The following ABHD8 variants were observed in gnomAD, a reference collection of about 807,000 sequenced individuals.
ABHD8 encodes abhydrolase domain containing 8.
ABHD8 carries 10 observed loss-of-function variants against 29.3 expected under a neutral mutation model. The ratio of observed to expected loss-of-function variants is 0.34; its 90% CI spans 0.21 to 0.58. ABHD8 has a LOEUF of 0.58. Among genes scored for constraint, ABHD8 ranks in the 20% least tolerant of loss-of-function variants. ABHD8 has a pLI of 0.85. For missense variants in ABHD8, 556 were observed against 615.3 expected (o/e 0.90, Z 1.02); for synonymous variants, 282 against 274.6 (o/e 1.03, Z -0.27).
At chr19:17,294,918 G>C in intron 2 of ABHD8, 73 bp from the exon 3 acceptor site, 1 of 1,527,696 alleles carries the variant, frequency 6.5e-7, no homozygotes, top group Non-Finnish European at 8.9e-7. Context: ...TGACCATTTT[G>C]TTTTGCTTTG....
chr19:17,293,462 G>C (rs548219064), intron 4 of ABHD8, among the ~76,000 whole-genome samples: 1 of 45,220 alleles, frequency 2.2e-5, no homozygotes, highest in East Asian at 4.1e-4. Flanking sequence ...TTGCTGGGGG[G>C]GCGGGGGTGG....
rs2074113527 is a variant in ABHD8, at chr19:17,300,740, A to G, written c.761+116T>C. 3 of 1,326,116 alleles carry G rather than the reference A, an allele frequency of 2.3e-6. No homozygotes were observed. The South Asian group carries it at 4.4e-5, about 19-fold the overall frequency. 82.1% of individuals were successfully genotyped at this position (1,326,116 alleles called of 1,614,324 possible). On this transcript the variant is annotated intron_variant, in intron 2 of 4. Coordinates refer to ENST00000247706, the MANE Select transcript of ABHD8 (RefSeq NM_024527.5). Reference sequence around the variant, plus strand: ...TGATCCGCCTGCCTCGGCCTCCCAAAGTGCTGGGATTACAGGCGTGAGCCA... The same window carrying G: ...TGATCCGCCTGCCTCGGCCTCCCAAGGTGCTGGGATTACAGGCGTGAGCCA...
Position 17,292,236 on chromosome 19 carries a change from A to C in ABHD8, c.*425T>G. On this transcript the variant is annotated 3_prime_UTR_variant, in exon 5 of 5. Transcript: ENST00000247706. ...TGGGCAAAAATAGCTCCCAGCGCCG[A>C]GGAATGGGGGGTAGGAAGGGTCTCG... 20 of 196,884 alleles carry C rather than the reference A, an allele frequency of 1.0e-4. No individual in the cohort carries two copies. The highest frequency in any genetic ancestry group is 1.4e-4 in the Non-Finnish European group (14 of 97,932). The allele number at this position is 196,884 out of a possible 1,614,324, so 12.2% of individuals were successfully genotyped here.
At chr19:17,293,460 GGGGCGGGGGT>G (rs71180384) in intron 4 of ABHD8, among the ~76,000 whole-genome samples, 63,571 of 139,500 alleles carry the variant, frequency 0.46, 15,166 homozygotes, top group Non-Finnish European at 0.51. Flanking sequence ...CTTTGCTGGG[GGGGCGGGGGT>G]GGGCGGGGAA....
rs1406826069 is a variant in ABHD8 at position 17,294,713 on chromosome 19, C to T, written c.894G>A (p.Leu298=). Residue 298 remains leucine (L), a synonymous_variant, in exon 3 of 5, where the codon CTG becomes CTA. Transcript: ENST00000247706. ...CSIFNMPTCV[L]HCLSPCLAWS... is the part of the protein sequence containing the mutation. ...AGGCCAGGCAGGGCGACAAGCAGTG[C>T]AGGACGCAGGTGGGCATGTTGAAGA... 6.2e-7 allele frequency: 1 copy of T among 1,614,024 alleles called. No homozygotes were observed. The highest frequency in any genetic ancestry group is 1.3e-5 in the African/African-American group (1 of 74,920).
In ABHD8 at chr19:17,301,319, G is replaced by C. The variant is rs751547039; in HGVS notation, c.298C>G (p.Arg100Gly). 1 of 1,607,502 alleles carries C rather than the reference G, an allele frequency of 6.2e-7. No individual in the cohort carries two copies. The highest frequency in any genetic ancestry group is 1.1e-5 in the South Asian group (1 of 91,078). The change falls in exon 2 of 5, where the codon CGA becomes GGA. Residue 100 changes from arginine to glycine, a missense_variant. Around this residue, in one of 2 missense-constraint regions of ABHD8, gnomAD observed 286 missense variants for 261.4 expected, o/e 1.09. Coordinates refer to ENST00000247706, the MANE Select transcript of ABHD8 (RefSeq NM_024527.5). ...LLVENLGRAPRADLLHGQNGS... is the reference protein window; with the variant it reads ...LLVENLGRAPGADLLHGQNGS... The stretch of plus-strand genomic sequence containing the variant: ...TTCTGCCCGTGTAGGAGGTCGGCTC[G>C]AGGGGCTCGGCCCAGGTTTTCCACC...
intron 4 of ABHD8, among the ~76,000 whole-genome samples, chr19:17,294,058 A>G (rs2074082383): frequency 6.6e-6 from 1 of 152,098 alleles, no homozygotes; most frequent in African/African-American, 2.4e-5. Context: ...ACACCTGTCC[A>G]GGGCAGCCCT....
rs1243652005 is a variant in ABHD8, at chr19:17,292,622, C to A, written c.*39G>T. 1.3e-6 allele frequency: 2 copies of A among 1,570,318 alleles called. No homozygotes were observed. Among genetic ancestry groups the A allele is most frequent in the African/African-American group, 1.3e-5 (1 of 74,100 alleles). ...CGCAGGCTCGGGCCTCCTCCTGCTG[C>A]GGCTGTGCTCACCAAGCGATGCCCC... On this transcript the variant is annotated 3_prime_UTR_variant, in exon 5 of 5. Transcript: ENST00000247706.
chr19:17,295,855 G>A (rs1287355390), intron 2 of ABHD8, among the ~76,000 whole-genome samples: 1 of 152,176 alleles, frequency 6.6e-6, no homozygotes, highest in Non-Finnish European at 1.5e-5. Context: ...CTACAGGCAT[G>A]TGCCACCATG....
rs764227358 is a variant in ABHD8, at chr19:17,292,593, C to T, written c.*68G>A. 7.4e-6 allele frequency: 11 copies of T among 1,493,200 alleles called. No individual in the cohort carries two copies. The highest frequency in any genetic ancestry group is 2.2e-5 in the Admixed American group (1 of 45,854). 92.5% of individuals were successfully genotyped at this position (1,493,200 alleles called of 1,614,324 possible). A position where few individuals can be genotyped will look rare whatever the true frequency, so the allele number is the denominator to read the frequency against. On this transcript the variant is annotated 3_prime_UTR_variant, in exon 5 of 5. Transcript: ENST00000247706. ...CGCCCAGGTGGTCTGCGCTGCAGAC[C>T]TGGCGCAGGCTCGGGCCTCCTCCTG...
At chr19:17,300,222 G>A (rs946688940) in intron 2 of ABHD8, among the ~76,000 whole-genome samples, 12 of 151,122 alleles carry the variant, frequency 7.9e-5, no homozygotes, top group Admixed American at 7.3e-4. Flanking sequence ...CTTTTTTAAA[G>A]AGCGACAGGT....
chr19:17,296,726 G>A (rs888695175), intron 2 of ABHD8: 2 of 140,404 alleles, frequency 1.4e-5, no homozygotes, highest in African/African-American at 5.4e-5. Context: ...ATGGAGTCCT[G>A]CTCTGTTGCC....
intron 2 of ABHD8, among the ~76,000 whole-genome samples, chr19:17,299,959 G>A (rs35061212): frequency 0.25 from 37,852 of 149,680 alleles, 5,082 homozygotes; most frequent in South Asian, 0.38. Context: ...GAGTGCAGTG[G>A]CACAATATGA....
At chr19:17,299,681 G>A (rs1160463753) in intron 2 of ABHD8, among the ~76,000 whole-genome samples, 1 of 151,756 alleles carries the variant, frequency 6.6e-6, no homozygotes, top group Non-Finnish European at 1.5e-5. Context: ...AACATCTTGG[G>A]CAACATAGTG....
chr19:17,300,984 G>A lies in ABHD8; in HGVS notation c.633C>T (p.Ala211=), dbSNP rs771791316. ...LGYEVVAPDL[A]GHGASSAPQV... ...GGGGCGCAGAGCTGGCCCCGTGGCCGGCCAGGTCAGGAGCCACCACCTCAT... is the reference window on the plus strand; with the variant it reads ...GGGGCGCAGAGCTGGCCCCGTGGCCAGCCAGGTCAGGAGCCACCACCTCAT... Residue 211 remains alanine, a synonymous_variant, in exon 2 of 5, where the codon GCC becomes GCT. Coordinates refer to ENST00000247706, the MANE Select transcript of ABHD8 (RefSeq NM_024527.5). 1.9e-6 allele frequency: 3 copies of A among 1,613,458 alleles called. No individual in the cohort carries two copies. Among genetic ancestry groups the A allele is most frequent in the Non-Finnish European group, 2.5e-6 (3 of 1,180,022 alleles).
intron 1 of ABHD8, chr19:17,302,244 G>A (rs1337908145): frequency 6.6e-6 from 1 of 152,532 alleles, no homozygotes; most frequent in East Asian, 1.9e-4. Flanking sequence ...TGGAGAAGGG[G>A]ACATTGTGGC....
At position 17,301,483 on chromosome 19, in the gene ABHD8, C is replaced by G; in HGVS notation, c.134G>C (p.Arg45Pro). Reference protein sequence around the residue: ...FVEVKPGRVLRVKHAGPAPAA... With the variant: ...FVEVKPGRVLPVKHAGPAPAA... ...TGGGGCGGGTCCTGCATGCTTCACC[C>G]GCAGCACGCGGCCGGGCTTGACCTC... The change falls in exon 2 of 5, where the codon CGG becomes CCG. Residue 45 changes from arginine (R) to proline (P), a missense_variant. Arg to Pro is a moderately radical substitution (Grantham distance 103). Transcript: ENST00000247706. 2 of 1,611,658 alleles carry G rather than the reference C, an allele frequency of 1.2e-6. No homozygotes were observed. Among genetic ancestry groups the G allele is most frequent in the Non-Finnish European group, 1.7e-6 (2 of 1,179,714 alleles).
At chr19:17,300,603 G>A (rs916187162) in intron 2 of ABHD8, among the ~76,000 whole-genome samples, 5 of 152,020 alleles carry the variant, frequency 3.3e-5, no homozygotes, top group Non-Finnish European at 7.4e-5. Flanking sequence ...TCAGCCTCCC[G>A]AGTAGCTGGG....
Position 17,293,880 on chromosome 19 carries a change from TG to T in ABHD8, c.1149+407del, listed in dbSNP as rs376091262. Among the ~76,000 whole-genome samples, 148 of 152,082 alleles carry T rather than the reference TG, an allele frequency of 9.7e-4. 5 individuals carry two copies. The South Asian group carries it at 0.03, about 31-fold the overall frequency. On this transcript the variant is annotated intron_variant, in intron 4 of 4. Coordinates refer to ENST00000247706, the MANE Select transcript of ABHD8 (RefSeq NM_024527.5). ...GGCTAGTATCCAGGGCTATTCTAAG[TG>T]CTAAGGATCCCCAGACCCTTTCTAA... is the stretch of plus-strand genomic sequence containing the variant.
Sources: allele counts gnomAD v4.1 joint callset (sites outside exome capture counted in the v4.1 genomes callset), GRCh38; gene constraint gnomAD v4.1.1; regional missense constraint gnomAD v4.1.1; transcripts MANE v1.5; gene names NCBI Gene and HGNC (gene_info 2026-07-23, HGNC 2026-07-21).